Variants in TNFRSF1A observed in about 807,000 individuals in gnomAD.
TNFRSF1A encodes tumor necrosis factor receptor superfamily member 1A.
TNFRSF1A carries 9 observed loss-of-function variants against 41.6 expected under a neutral mutation model. The ratio of observed to expected loss-of-function variants is 0.22; its 90% CI spans 0.13 to 0.38. The LOEUF (loss-of-function observed/expected upper bound fraction) is 0.38, where lower values mean the gene tolerates loss of function less well. TNFRSF1A is among the 10% of genes least tolerant of loss of function. The pLI is 1.00. For missense variants in TNFRSF1A, 463 were observed against 591.5 expected (o/e 0.78, Z 2.25); for synonymous variants, 254 against 248.6 (o/e 1.02, Z -0.21).
Position 6,334,839 on chromosome 12 carries a change from T to A in TNFRSF1A, c.40-595A>T, listed in dbSNP as rs1948099877. Among the ~76,000 whole-genome samples, 1 of 152,210 alleles carries A rather than the reference T, an allele frequency of 6.6e-6. No individual in the cohort carries two copies. Among genetic ancestry groups the A allele is most frequent in the African/African-American group, 2.4e-5 (1 of 41,444 alleles). ...AATCCCCCACAGCAGCTAACAGTGC[T>A]GGACACAGGGCAGATGTTGAAAGGA... On this transcript the variant is annotated intron_variant, in intron 1 of 9. Transcript: ENST00000162749. This position sits in a 1 kb window ranked among gnomAD's most constrained non-coding sequence, Gnocchi z 5.1.
rs184360639 is a variant in TNFRSF1A at position 6,334,977 on chromosome 12, G to C, written c.40-733C>G. ...CATCTGGGTGCTGGGTTCACCGTGT[G>C]ATCGCTTTGCGAACATTCACAGAGG... is the stretch of plus-strand genomic sequence containing the variant. On this transcript the variant is annotated intron_variant, in intron 1 of 9. Transcript: ENST00000162749. This position sits in a 1 kb window ranked among gnomAD's most constrained non-coding sequence, Gnocchi z 5.1. 2.0e-5 allele frequency among the ~76,000 whole-genome samples: 3 copies of C among 152,320 alleles called. No homozygotes were observed. Among genetic ancestry groups the C allele is most frequent in the Admixed American group, 1.3e-4 (2 of 15,304 alleles).
chr12:6,329,424 T>C lies in TNFRSF1A; in HGVS notation c.1256A>G (p.Glu419Gly), dbSNP rs1454639907. The C allele has an allele frequency of 3.2e-6, 5 of 1,582,984 alleles. No homozygotes were observed. Among genetic ancestry groups the C allele is most frequent in the Non-Finnish European group, 2.6e-6 (3 of 1,171,460 alleles). The change falls in exon 10 of 10, where the codon GAG becomes GGG. Residue 419 changes from glutamate (E) to glycine (G), a missense_variant. Transcript: ENST00000162749. Reference protein sequence around the residue: ...RRTPRREATLELLGRVLRDMD... With the variant: ...RRTPRREATLGLLGRVLRDMD... ...GTCGCGGAGCACGCGTCCCAGCAGC[T>C]CCAGCGTGGCCTCGCGCCGCGGCGT...
chr12:6,330,170 C>T, intron 8 of TNFRSF1A, 97 bp downstream of exon 8: 1 of 1,612,272 alleles, frequency 6.2e-7, no homozygotes, highest in Non-Finnish European at 8.5e-7. Context: ...GAGGCGAGCC[C>T]CCGGAAAGTG....
chr12:6,330,627 T>C lies in TNFRSF1A; in HGVS notation c.710A>G (p.Gln237Arg), dbSNP rs775056492. The C allele has an allele frequency of 5.0e-6, 8 of 1,613,742 alleles. No homozygotes were observed. The highest frequency in any genetic ancestry group is 1.7e-5 in the Admixed American group (1 of 59,994). ...LLFIGLMYRY[Q>R]RWKSKLYSIV... ...GGAGTAGAGCTTGGACTTCCACCGTTGGTAGCGATACATTAAACCAATGAA... is the reference window on the plus strand; with the variant it reads ...GGAGTAGAGCTTGGACTTCCACCGTCGGTAGCGATACATTAAACCAATGAA... Residue 237 changes from glutamine to arginine, a missense_variant, in exon 7 of 10, where the codon CAA (glutamine) becomes CGA (arginine). Physicochemically the swap from Gln to Arg is conservative, Grantham distance 43 (BLOSUM62 1). Transcript: ENST00000162749.
At chr12:6,340,586 G>A (rs139998627) in intron 1 of TNFRSF1A, among the ~76,000 whole-genome samples, 13 of 152,278 alleles carry the variant, frequency 8.5e-5, no homozygotes, top group Non-Finnish European at 1.6e-4. Context: ...ACCTGGGGCC[G>A]GGACCAGAGC....
At position 6,341,163 on chromosome 12, in the gene TNFRSF1A, T is replaced by C. The variant is rs937716735; in HGVS notation, c.39+613A>G. On this transcript the variant is annotated intron_variant, in intron 1 of 9. Coordinates refer to ENST00000162749, the MANE Select transcript of TNFRSF1A (RefSeq NM_001065.4). This position sits in a 1 kb window ranked among gnomAD's most constrained non-coding sequence, Gnocchi z 4.6. ...GGCACTGGGGACACTGTCCACTGGG[T>C]TGCCCTGCCCCATCCAGTGTCCCAG... is the stretch of plus-strand genomic sequence containing the variant. 9.2e-5 allele frequency among the ~76,000 whole-genome samples: 14 copies of C among 152,100 alleles called. No homozygotes were observed. The highest frequency in any genetic ancestry group is 3.9e-4 in the Admixed American group (6 of 15,278).
intron 7 of TNFRSF1A, 35 bp from the exon 8 acceptor site, chr12:6,330,330 C>G: frequency 6.2e-7 from 1 of 1,601,504 alleles, no homozygotes; most frequent in Non-Finnish European, 8.6e-7. Context: ...ATAAATTTCA[C>G]TTCCTCTCTC....
In TNFRSF1A at chr12:6,342,014, G is replaced by T; in HGVS notation, c.-200C>A. 2 of 644,882 alleles carry T rather than the reference G, an allele frequency of 3.1e-6. No individual in the cohort carries two copies. The highest frequency in any genetic ancestry group is 5.6e-6 in the Non-Finnish European group (2 of 354,448). The allele number at this position is 644,882 out of a possible 1,614,324, so 39.9% of individuals were successfully genotyped here. On this transcript the variant is annotated 5_prime_UTR_variant, in exon 1 of 10. It adds an upstream start codon to the 5' untranslated region. Transcript: ENST00000162749. ...CCCAAAGGCCAGAACTGGAGCCTCAGTCCAGAGAATTCTGAGAAAATTAAA... is the reference window on the plus strand; with the variant it reads ...CCCAAAGGCCAGAACTGGAGCCTCATTCCAGAGAATTCTGAGAAAATTAAA...
intron 1 of TNFRSF1A, among the ~76,000 whole-genome samples, chr12:6,338,443 C>T (rs867434774): frequency 4.6e-4 from 70 of 152,236 alleles, no homozygotes; most frequent in African/African-American, 1.6e-3. Flanking sequence ...GTCCTACACA[C>T]TTTTTAAATC....
Position 6,341,826 on chromosome 12 carries a change from A to G in TNFRSF1A, c.-12T>C, listed in dbSNP as rs1948199262. On this transcript the variant is annotated 5_prime_UTR_variant, in exon 1 of 10. An upstream open reading frame in the 5' UTR loses its in-frame stop. Transcript: ENST00000162749. The surrounding 1 kb of genome is among the most constrained non-coding windows in gnomAD (Gnocchi z 4.6). ...GTGGAGAGGCCCATGCCAGACAGCT[A>G]TGGCCTCTCACTCCCCCATTTGGGC... The G allele has an allele frequency of 6.2e-6, 10 of 1,614,102 alleles. No homozygotes were observed. Among genetic ancestry groups the G allele is most frequent in the Middle Eastern group, 1.6e-4 (1 of 6,062 alleles).
intron 1 of TNFRSF1A, among the ~76,000 whole-genome samples, chr12:6,339,065 T>C (rs1170807709): frequency 1.3e-5 from 2 of 152,086 alleles, no homozygotes; most frequent in Admixed American, 6.6e-5. Flanking sequence ...TCTCCCCCAC[T>C]CCCTCTAATT....
chr12:6,329,076 C>T lies in TNFRSF1A; in HGVS notation c.*236G>A. ...CATGAGGCATAGCGTCCCTCATCCT[C>T]GCAAACCACCCACTCAGGCTCTTGA... On this transcript the variant is annotated 3_prime_UTR_variant, in exon 10 of 10. Coordinates refer to ENST00000162749, the MANE Select transcript of TNFRSF1A (RefSeq NM_001065.4). The T allele has an allele frequency of 2.4e-6, 1 of 418,850 alleles. No individual in the cohort carries two copies. Among genetic ancestry groups the T allele is most frequent in the Non-Finnish European group, 4.1e-6 (1 of 242,268 alleles). The allele number at this position is 418,850 out of a possible 1,614,324, so 25.9% of individuals were successfully genotyped here.
In TNFRSF1A at chr12:6,329,011, G is replaced by C. The variant is rs927165559; in HGVS notation, c.*301C>G. ...AAAAAGGCTCAGGGACGAACCAGGG[G>C]CCCCCGAGCAGCCTTGCTGGTGAGG... On this transcript the variant is annotated 3_prime_UTR_variant, in exon 10 of 10. Coordinates refer to ENST00000162749, the MANE Select transcript of TNFRSF1A (RefSeq NM_001065.4). 1 of 383,894 alleles carries C rather than the reference G, an allele frequency of 2.6e-6. No homozygotes were observed. Among genetic ancestry groups the C allele is most frequent in the African/African-American group, 2.1e-5 (1 of 48,286 alleles). 23.8% of individuals were successfully genotyped at this position (383,894 alleles called of 1,614,324 possible). A position where few individuals can be genotyped will look rare whatever the true frequency, so the allele number is the denominator to read the frequency against.
rs552439793 is a variant in TNFRSF1A at position 6,334,962 on chromosome 12, C to T, written c.40-718G>A. Among the ~76,000 whole-genome samples, 5 of 152,304 alleles carry T rather than the reference C, an allele frequency of 3.3e-5. No homozygotes were observed. In the South Asian group the frequency reaches 1.0e-3, roughly 32 times the overall value. ...GGGGCGGTGTTTCTCCATCTGGGTG[C>T]TGGGTTCACCGTGTGATCGCTTTGC... On this transcript the variant is annotated intron_variant, in intron 1 of 9. Coordinates refer to ENST00000162749, the MANE Select transcript of TNFRSF1A (RefSeq NM_001065.4). This position sits in a 1 kb window ranked among gnomAD's most constrained non-coding sequence, Gnocchi z 5.1.
At chr12:6,335,193 C>T (rs1429583876) in intron 1 of TNFRSF1A, among the ~76,000 whole-genome samples, 1 of 152,188 alleles carries the variant, frequency 6.6e-6, no homozygotes, top group Non-Finnish European at 1.5e-5. Context: ...TTCCCTGGCC[C>T]ATCCCCTCCA....
rs976956054 is a variant in TNFRSF1A, at chr12:6,341,069, C to T, written c.39+707G>A. Among the ~76,000 whole-genome samples, 1 of 152,146 alleles carries T rather than the reference C, an allele frequency of 6.6e-6. No individual in the cohort carries two copies. The highest frequency in any genetic ancestry group is 1.5e-5 in the Non-Finnish European group (1 of 68,022). On this transcript the variant is annotated intron_variant, in intron 1 of 9. Transcript: ENST00000162749. This position sits in a 1 kb window ranked among gnomAD's most constrained non-coding sequence, Gnocchi z 4.6. The stretch of plus-strand genomic sequence containing the variant: ...TCCCTGGGAAGGCTCAGTCCCACAG[C>T]GGCTACCTGCCTAGCAGCAGGCAAA...
rs1948086936 is a variant in TNFRSF1A, at chr12:6,334,042, A to C, written c.193+49T>G. The C allele has an allele frequency of 2.5e-6, 4 of 1,613,510 alleles. No individual in the cohort carries two copies. The highest frequency in any genetic ancestry group is 1.1e-5 in the South Asian group (1 of 91,082). On this transcript the variant is annotated intron_variant, in intron 2 of 9. Coordinates refer to ENST00000162749, the MANE Select transcript of TNFRSF1A (RefSeq NM_001065.4). This position sits in a 1 kb window ranked among gnomAD's most constrained non-coding sequence, Gnocchi z 5.1. ...GAACAACTGGAAGAAGCAGAGAAAG[A>C]AGCAGCACCCCAGACCTGAGGGCAT... is the stretch of plus-strand genomic sequence containing the variant.
chr12:6,330,973 GAACACAGAAAAAC>G (rs1450494220), intron 5 of TNFRSF1A, 47 bp from the exon 6 acceptor site: 1 of 1,530,956 alleles, frequency 6.5e-7, no homozygotes, highest in South Asian at 1.1e-5. Flanking sequence ...ACCATTGGAG[GAACACAGAAAAAC>G]AACCACACAG....
At chr12:6,332,017 A>AG in intron 5 of TNFRSF1A, 1 of 303,268 alleles carries the variant, frequency 3.3e-6, no homozygotes, top group Non-Finnish European at 6.3e-6. Context: ...AAAAAAAAAA[A>AG]AAAAAAAGAA....
Sources: allele counts gnomAD v4.1 joint callset (sites outside exome capture counted in the v4.1 genomes callset), GRCh38; gene constraint gnomAD v4.1.1; non-coding constraint Gnocchi (gnomAD v3.1); transcripts MANE v1.5; gene names NCBI Gene and HGNC (gene_info 2026-07-23, HGNC 2026-07-21).